The following MDFI variants were observed in gnomAD, a reference collection of about 807,000 sequenced individuals.
MDFI encodes MyoD family inhibitor, also known as inhibitor of MyoD family a.
Under a neutral mutation model 22.3 loss-of-function variants are expected in MDFI, and 16 were observed. The observed-to-expected ratio is 0.72, with a 90% CI of 0.49 to 1.09. The LOEUF (loss-of-function observed/expected upper bound fraction) is 1.09, where lower values mean the gene tolerates loss of function less well. Ranked by LOEUF, MDFI falls within the 50% of genes least tolerant of loss-of-function variation. The pLI, the probability that MDFI is intolerant of heterozygous loss-of-function variation, is 0.00. For missense variants in MDFI, 314 were observed against 326.1 expected (o/e 0.96, Z 0.29); for synonymous variants, 145 against 142.7 (o/e 1.02, Z -0.12).
At chr6:41,639,179 G>A in intron 2 of MDFI, 2 of 945,406 alleles carry the variant, frequency 2.1e-6, no homozygotes, top group Non-Finnish European at 2.5e-6. Flanking sequence ...GTAAATATTT[G>A]TGGGGGCCTG....
In MDFI at chr6:41,638,718, G is replaced by T; in HGVS notation, c.-11-21G>T. ...CCCTTGCCCGCCTCCGGCGCCGCCC[G>T]CTGAGCCCTGTTTTCCGCAGGTCCG... On this transcript the variant is annotated intron_variant, in intron 1 of 4. Transcript: ENST00000230321. The surrounding 1 kb of genome is among the most constrained non-coding windows in gnomAD (Gnocchi z 7.6). The T allele has an allele frequency of 6.5e-7, 1 of 1,546,342 alleles. No individual in the cohort carries two copies. The highest frequency in any genetic ancestry group is 1.2e-5 in the South Asian group (1 of 84,320).
At chr6:41,646,843 C>CCACATCTTTAGA in intron 3 of MDFI, among the ~76,000 whole-genome samples, 1 of 152,200 alleles carries the variant, frequency 6.6e-6, no homozygotes, top group Non-Finnish European at 1.5e-5. Context: ...GAAGATTTGC[C>CCACATCTTTAGA]CACATCTTTA....
At chr6:41,650,155 A>T (rs1317420309) in intron 4 of MDFI, 4 of 327,966 alleles carry the variant, frequency 1.2e-5, no homozygotes, top group African/African-American at 9.6e-5. Context: ...AGTTGCTGTG[A>T]CAAGGAACGG....
At position 41,638,720 on chromosome 6, in the gene MDFI, T is replaced by A. The variant is rs1036397194; in HGVS notation, c.-11-19T>A. The A allele has an allele frequency of 6.5e-7, 1 of 1,548,600 alleles. No individual in the cohort carries two copies. Among genetic ancestry groups the A allele is most frequent in the Non-Finnish European group, 8.7e-7 (1 of 1,151,520 alleles). On this transcript the variant is annotated intron_variant, in intron 1 of 4. Transcript: ENST00000230321. This position sits in a 1 kb window ranked among gnomAD's most constrained non-coding sequence, Gnocchi z 7.6. ...CTTGCCCGCCTCCGGCGCCGCCCGC[T>A]GAGCCCTGTTTTCCGCAGGTCCGGG...
Position 41,642,455 on chromosome 6 carries a change from A to G in MDFI, c.76+3630A>G, listed in dbSNP as rs115299407. Among the ~76,000 whole-genome samples, 1,483 of 152,156 alleles carry G rather than the reference A, an allele frequency of 9.7e-3. 21 individuals carry two copies. The highest frequency in any genetic ancestry group is 0.031 in the African/African-American group (1,298 of 41,492). ...CGGTGTCTCTTGGTTACAGAATGGC[A>G]AAGTGGGCTCTTGGCGCCTCTGCCC... On this transcript the variant is annotated intron_variant, in intron 2 of 4. Transcript: ENST00000230321.
intron 2 of MDFI, among the ~76,000 whole-genome samples, chr6:41,645,414 T>A (rs567740495): frequency 6.6e-6 from 1 of 152,186 alleles, no homozygotes; most frequent in African/African-American, 2.4e-5. Flanking sequence ...GGTTCACCTC[T>A]TCCCCAGTGC....
In MDFI at chr6:41,653,940, G is replaced by A; in HGVS notation, c.*365G>A. ...AAAGTTACTTGGGGAGGGTGGGCCG[G>A]TGGGGCCGTAGCTCTCTACCTCTCC... On this transcript the variant is annotated 3_prime_UTR_variant, in exon 5 of 5. Coordinates refer to ENST00000230321, the MANE Select transcript of MDFI (RefSeq NM_005586.4). This position sits in a 1 kb window ranked among gnomAD's most constrained non-coding sequence, Gnocchi z 4.2. 1 of 307,474 alleles carries A rather than the reference G, an allele frequency of 3.3e-6. No individual in the cohort carries two copies. Among genetic ancestry groups the A allele is most frequent in the Non-Finnish European group, 6.1e-6 (1 of 162,918 alleles). The allele number at this position is 307,474 out of a possible 1,614,324, so 19.0% of individuals were successfully genotyped here.
intron 4 of MDFI, among the ~76,000 whole-genome samples, chr6:41,652,608 C>CTT (rs3050047): frequency 0.33 from 27,435 of 84,234 alleles, 6,186 homozygotes; most frequent in East Asian, 0.66. Context: ...CTCTCCCTCT[C>CTT]TTTTTTTTTT....
intron 2 of MDFI, chr6:41,639,093 C>A (rs1311341705): frequency 4.3e-6 from 2 of 466,582 alleles, no homozygotes; most frequent in Non-Finnish European, 5.5e-6. Context: ...CACACACACA[C>A]ACACAAACAC....
At chr6:41,647,097 C>T (rs562024589) in intron 3 of MDFI, among the ~76,000 whole-genome samples, 3 of 152,356 alleles carry the variant, frequency 2.0e-5, no homozygotes, top group African/African-American at 7.2e-5. Flanking sequence ...CCAGCCAGGG[C>T]ATCTGGGGCT....
chr6:41,648,948 C>A (rs902765287), intron 3 of MDFI, among the ~76,000 whole-genome samples: 4 of 152,194 alleles, frequency 2.6e-5, no homozygotes, highest in African/African-American at 9.7e-5. Context: ...CTCCCCACTG[C>A]CCTTCTTCTT....
At chr6:41,639,946 G>A (rs1561827274) in intron 2 of MDFI, 8 of 984,066 alleles carry the variant, frequency 8.1e-6, no homozygotes, top group African/African-American at 1.7e-5. Context: ...TGTGGAGGTG[G>A]GGGGTCCTCT....
At chr6:41,645,837 TCTCC>T (rs1412076281) in intron 2 of MDFI, among the ~76,000 whole-genome samples, 1 of 152,170 alleles carries the variant, frequency 6.6e-6, no homozygotes, top group Non-Finnish European at 1.5e-5. Context: ...TTCTGCCTCC[TCTCC>T]CTACTTCTCT....
chr6:41,643,794 A>G (rs1057287408), intron 2 of MDFI, among the ~76,000 whole-genome samples: 1 of 152,104 alleles, frequency 6.6e-6, no homozygotes, highest in African/African-American at 2.4e-5. Flanking sequence ...CTGTGGCATG[A>G]GATTAGGACT....
At chr6:41,642,283 A>G (rs945593193) in intron 2 of MDFI, among the ~76,000 whole-genome samples, 2 of 152,178 alleles carry the variant, frequency 1.3e-5, no homozygotes, top group African/African-American at 4.8e-5. Context: ...CCCCCTTGGC[A>G]GGCACCTTCT....
Position 41,638,476 on chromosome 6 carries a change from G to T in MDFI, c.-188G>T. ...CTGGAGGGAGAGAAGGAAGAAGGAA[G>T]GGGCGAACGGCGTGAGCTGGCGCCG... On this transcript the variant is annotated 5_prime_UTR_variant, in exon 1 of 5. In the 5' UTR this introduces an upstream ATG that the reference lacks. Transcript: ENST00000230321. The surrounding 1 kb of genome is among the most constrained non-coding windows in gnomAD (Gnocchi z 7.6). 1 of 493,644 alleles carries T rather than the reference G, an allele frequency of 2.0e-6. No individual in the cohort carries two copies. Among genetic ancestry groups the T allele is most frequent in the Non-Finnish European group, 3.6e-6 (1 of 280,012 alleles). The allele number at this position is 493,644 out of a possible 1,614,324, so 30.6% of individuals were successfully genotyped here.
At position 41,653,807 on chromosome 6, in the gene MDFI, CTT is replaced by C; in HGVS notation, c.*234_*235del. 1 of 585,686 alleles carries C rather than the reference CTT, an allele frequency of 1.7e-6. No individual in the cohort carries two copies. 36.3% of individuals were successfully genotyped at this position (585,686 alleles called of 1,614,324 possible). On this transcript the variant is annotated 3_prime_UTR_variant, in exon 5 of 5. Transcript: ENST00000230321. This position sits in a 1 kb window ranked among gnomAD's most constrained non-coding sequence, Gnocchi z 4.2. ...GGCCCATGGCAGAGAAGCCTGAACT[CTT>C]TACTGGGTTACCAGGTTCATACATT...
chr6:41,643,901 C>G (rs569528737), intron 2 of MDFI, among the ~76,000 whole-genome samples: 3 of 152,304 alleles, frequency 2.0e-5, no homozygotes, highest in Admixed American at 2.0e-4. Context: ...TTCTGCTTCT[C>G]ACTCAGGTCT....
At chr6:41,644,517 G>T (rs563217080) in intron 2 of MDFI, among the ~76,000 whole-genome samples, 1 of 150,414 alleles carries the variant, frequency 6.6e-6, no homozygotes, top group South Asian at 2.1e-4. Flanking sequence ...CAGACCCCTT[G>T]GAACAAGGGT....
Sources: gnomAD v4.1 joint callset for allele counts (sites outside exome capture counted in the v4.1 genomes callset) on GRCh38, gnomAD v4.1.1 for gene constraint, Gnocchi (gnomAD v3.1) non-coding constraint, MANE v1.5 for transcripts, NCBI Gene and HGNC (gene_info 2026-07-23, HGNC 2026-07-21) for gene names.